The following PDE4C variants were observed in gnomAD, a reference collection of about 807,000 sequenced individuals.
The protein encoded by PDE4C is phosphodiesterase 4C, also known as 3',5'-cyclic-AMP phosphodiesterase 4C.
Under a neutral mutation model 63.9 loss-of-function variants are expected in PDE4C, and 50 were observed. The ratio of observed to expected loss-of-function variants is 0.78; its 90% CI spans 0.62 to 0.99. PDE4C has a LOEUF of 0.99. PDE4C is among the 50% of genes least tolerant of loss of function. The pLI, the probability that PDE4C is intolerant of heterozygous loss-of-function variation, is 0.00. For missense variants in PDE4C, 777 were observed against 899.1 expected (o/e 0.86, Z 1.74); for synonymous variants, 377 against 385.1 (o/e 0.98, Z 0.25).
At chr19:18,225,192 G>A (rs1371570618) in intron 1 of PDE4C, among the ~76,000 whole-genome samples, 1 of 152,190 alleles carries the variant, frequency 6.6e-6, no homozygotes, top group African/African-American at 2.4e-5. Flanking sequence ...GGAACGGCGC[G>A]GCTGCCCATT....
intron 1 of PDE4C, among the ~76,000 whole-genome samples, chr19:18,232,618 A>G (rs1391560452): frequency 6.6e-6 from 1 of 151,972 alleles, no homozygotes; most frequent in Non-Finnish European, 1.5e-5. Flanking sequence ...ACTACCTGGG[A>G]CACATGGAAT....
intron 1 of PDE4C, chr19:18,232,902 G>C: frequency 3.1e-6 from 4 of 1,282,766 alleles, no homozygotes; most frequent in Admixed American, 3.6e-5. Context: ...GCCAGGCCCC[G>C]CGCGCCCCTC....
At chr19:18,240,844 C>G (rs1969023991) in intron 1 of PDE4C, among the ~76,000 whole-genome samples, 1 of 152,166 alleles carries the variant, frequency 6.6e-6, no homozygotes, top group Non-Finnish European at 1.5e-5. Flanking sequence ...ACTTGAACTT[C>G]TGTGTGTGTA....
upstream of PDE4C, chr19:18,252,616 CTTTT>C (rs34071282): frequency 6.7e-6 from 2 of 300,362 alleles, no homozygotes; most frequent in Non-Finnish European, 1.2e-5. Flanking sequence ...TTCTCTCTCT[CTTTT>C]TTTTTTTCTT....
chr19:18,219,748 C>G (rs1439328218), intron 7 of PDE4C: 2 of 240,050 alleles, frequency 8.3e-6, no homozygotes, highest in African/African-American at 4.6e-5. Context: ...TGCTTGAACC[C>G]AGGAGGCGGA....
chr19:18,224,772 C>A (rs1360716598), intron 1 of PDE4C, among the ~76,000 whole-genome samples: 1 of 152,252 alleles, frequency 6.6e-6, no homozygotes, highest in East Asian at 1.9e-4. Flanking sequence ...ATGAACCCCA[C>A]GGCCAGCCGA....
At position 18,216,873 on chromosome 19, in the gene PDE4C, G is replaced by T. The variant is rs752077587; in HGVS notation, c.1257C>A (p.Tyr419Ter). ...GGTTCTCCAGCACCGAGGCGTCGTT[G>T]TACATAAGCGCCAGCTCTGAGTCTG... Residue 419 changes from tyrosine (Y) to a stop codon, truncating the protein, a stop_gained, in exon 12 of 15, where the codon TAC becomes TAA. Transcript: ENST00000262805. LOFTEE classifies it high-confidence loss of function. The T allele has an allele frequency of 6.2e-7, 1 of 1,613,578 alleles. No homozygotes were observed. The highest frequency in any genetic ancestry group is 1.1e-5 in the South Asian group (1 of 91,060).
chr19:18,230,040 G>A (rs1369016725), upstream of PDE4C, among the ~76,000 whole-genome samples: 5 of 152,014 alleles, frequency 3.3e-5, no homozygotes, highest in East Asian at 1.9e-4. Context: ...CACCTCCTCC[G>A]AGAAGCCCTC....
upstream of PDE4C, among the ~76,000 whole-genome samples, chr19:18,230,820 T>C (rs1968832715): frequency 6.6e-6 from 1 of 152,206 alleles, no homozygotes; most frequent in Admixed American, 6.5e-5. Context: ...CCACCTGGTA[T>C]GAGTGTCTCC....
At chr19:18,216,603 C>T in intron 12 of PDE4C, 138 bp downstream of exon 12, 5 of 828,426 alleles carry the variant, frequency 6.0e-6, no homozygotes, top group Non-Finnish European at 9.2e-6. Context: ...GATGAGGAAG[C>T]TCAGACAGAG....
At chr19:18,211,626 C>T (rs1967944278) in intron 14 of PDE4C, 133 bp downstream of exon 14, 5 of 951,132 alleles carry the variant, frequency 5.3e-6, no homozygotes, top group East Asian at 2.5e-5. Context: ...AGGTCTAACT[C>T]GGCCCAGACA....
upstream of PDE4C, among the ~76,000 whole-genome samples, chr19:18,229,395 C>T (rs1332881554): frequency 6.6e-6 from 1 of 152,042 alleles, no homozygotes; most frequent in Non-Finnish European, 1.5e-5. Context: ...CATCTGCCAC[C>T]ACGCCCAACT....
chr19:18,244,177 C>A (rs943509743), intron 1 of PDE4C, among the ~76,000 whole-genome samples: 2 of 152,080 alleles, frequency 1.3e-5, no homozygotes, highest in Non-Finnish European at 2.9e-5. Context: ...GGCCCTGCTA[C>A]TCCTGATTAA....
chr19:18,216,692 G>A (rs1360206022), intron 12 of PDE4C, 49 bp downstream of exon 12: 2 of 1,515,128 alleles, frequency 1.3e-6, no homozygotes, highest in African/African-American at 2.8e-5. Flanking sequence ...TGAGAAGGAT[G>A]CCCCGCTCCC....
Position 18,216,831 on chromosome 19 carries a change from GC to G in PDE4C, c.1298del (p.Gly433AlafsTer22), listed in dbSNP as rs1223286984. 9.3e-6 allele frequency: 15 copies of G among 1,614,190 alleles called. No homozygotes were observed. Among genetic ancestry groups the G allele is most frequent in the Non-Finnish European group, 1.2e-5 (14 of 1,180,036 alleles). ...AGTTCTCTGCCTGCAGCAGCTTGAA[GC>G]CCACAGCCAGGTGATGGTTCTCCAG... On this transcript the variant is annotated frameshift_variant, in exon 12 of 15. Transcript: ENST00000262805. LOFTEE classifies it high-confidence loss of function.
intron 2 of PDE4C, 41 bp downstream of exon 2, chr19:18,222,091 G>A: frequency 6.5e-7 from 1 of 1,526,888 alleles, no homozygotes; most frequent in Non-Finnish European, 9.0e-7. Flanking sequence ...AAGGAAGGAG[G>A]GAGGGTAGAG....
chr19:18,220,807 G>A lies in PDE4C; in HGVS notation c.499+67C>T. On this transcript the variant is annotated intron_variant, in intron 5 of 14. Coordinates refer to ENST00000262805, the Ensembl canonical transcript of PDE4C. The surrounding 1 kb of genome is among the most constrained non-coding windows in gnomAD (Gnocchi z 5.1). The stretch of plus-strand genomic sequence containing the variant: ...CCAGTATAAGGGGCTCATGGACTGG[G>A]GAGGTCACTATGGAAAGGAAGCTCC... 6.8e-7 allele frequency: 1 copy of A among 1,466,584 alleles called. No homozygotes were observed. Among genetic ancestry groups the A allele is most frequent in the South Asian group, 1.2e-5 (1 of 84,088 alleles). 90.8% of individuals were successfully genotyped at this position (1,466,584 alleles called of 1,614,324 possible).
intron 1 of PDE4C, among the ~76,000 whole-genome samples, chr19:18,222,761 G>A (rs146763626): frequency 0.014 from 1,768 of 125,982 alleles, 48 homozygotes; most frequent in African/African-American, 0.05. Context: ...GTGCAGTGGT[G>A]TGATCCTACC....
At chr19:18,211,329 G>A in intron 14 of PDE4C, 53 bp from the exon 15 acceptor site, 1 of 1,434,248 alleles carries the variant, frequency 7.0e-7, no homozygotes, top group Non-Finnish European at 9.4e-7. Context: ...GTGAACCCTA[G>A]ACTCAATCCA....
Sources: allele counts gnomAD v4.1 joint callset (sites outside exome capture counted in the v4.1 genomes callset), GRCh38; gene constraint gnomAD v4.1.1; non-coding constraint Gnocchi (gnomAD v3.1); transcripts MANE v1.5; gene names NCBI Gene and HGNC (gene_info 2026-07-23, HGNC 2026-07-21).